AIFM1: variants seen among roughly 807,000 people sequenced by gnomAD.
AIFM1 encodes the protein apoptosis inducing factor mitochondria associated 1, also known as apoptosis-inducing factor 1, mitochondrial.
In AIFM1, 3 loss-of-function variants were observed where a neutral mutation model predicts 51.7. The observed-to-expected ratio is 0.06, with a 90% CI of 0.03 to 0.15. The LOEUF (loss-of-function observed/expected upper bound fraction) is 0.15. AIFM1 is among the 10% of genes least tolerant of loss of function. The pLI is 1.00. For missense variants in AIFM1, 330 were observed against 476.8 expected, an observed-to-expected ratio of 0.69 and a Z score of 2.87; for synonymous variants, 178 against 179.4, an observed-to-expected ratio of 0.99 and a Z score of 0.06.
chrX:130,156,725 T>C lies in AIFM1; in HGVS notation c.107-122A>G, dbSNP rs189994. ...CCCACAGATATTCACCGTTAAATGA[T>C]CAAGAAAAATATCATCAAAACTGCA... On this transcript the variant is annotated intron_variant, in intron 1 of 15. Transcript: ENST00000287295. 340,670 of 784,794 alleles carry C rather than the reference T, an allele frequency of 0.43. 53,861 individuals are homozygous for C. Among genetic ancestry groups the C allele is most frequent in the African/African-American group, 0.68 (32,478 of 47,695 alleles). The allele number at this position is 784,794 out of a possible 1,213,427, so 64.7% of individuals were successfully genotyped here. A position where few individuals can be genotyped will look rare whatever the true frequency, so the allele number is the denominator to read the frequency against.
Position 130,130,104 on chromosome X carries a change from T to C in AIFM1, c.1636A>G (p.Ser546Gly), listed in dbSNP as rs1569415378. ...SEASEITIPP[S>G]TPAVPQAPVQ... is the part of the protein sequence containing the mutation. The stretch of plus-strand genomic sequence containing the variant: ...GGAGCCTGTGGAACTGCCGGGGTGC[T>C]GGGAGGAATAGTAATTTCTGAGGCC... The change falls in exon 15 of 16, where the codon AGC becomes GGC. Residue 546 changes from serine to glycine, a missense_variant. Physicochemically the swap from Ser to Gly is moderately conservative, Grantham distance 56. Transcript: ENST00000287295. 6 of 1,211,992 alleles carry C rather than the reference T, an allele frequency of 5.0e-6. No individual in the cohort carries two copies. The highest frequency in any genetic ancestry group is 6.7e-6 in the Non-Finnish European group (6 of 895,578).
At chrX:130,147,176 TA>T (rs1439405809) in intron 5 of AIFM1, among the ~76,000 whole-genome samples, 1 of 110,843 alleles carries the variant, frequency 9.0e-6, no homozygotes. Context: ...AAAATAAAAA[TA>T]AAAAAAGAAG....
intron 2 of AIFM1, among the ~76,000 whole-genome samples, chrX:130,151,442 T>C (rs1025944913): frequency 9.0e-6 from 1 of 111,217 alleles, no homozygotes; most frequent in African/African-American, 3.3e-5. Context: ...CCCGGCCCCA[T>C]AAAACATATT....
intron 3 of AIFM1, 143 bp from the exon 4 acceptor site, chrX:130,148,019 T>G (rs1172822854): frequency 1.4e-6 from 1 of 739,210 alleles, no homozygotes; most frequent in African/African-American, 2.1e-5. Context: ...ATCTTAACAA[T>G]CTTCACAGCA....
At chrX:130,138,810 T>C in intron 8 of AIFM1, 109 bp from the exon 9 acceptor site, 1 of 543,044 alleles carries the variant, frequency 1.8e-6, no homozygotes. Context: ...TTTCTCCTTG[T>C]ATAAAGTGAC....
chrX:130,154,525 G>C (rs1375089279), intron 2 of AIFM1, among the ~76,000 whole-genome samples: 1 of 112,391 alleles, frequency 8.9e-6, no homozygotes, highest in African/African-American at 3.2e-5. Flanking sequence ...CAATCTACAT[G>C]AATGTGTTAG....
At chrX:130,137,477 C>A in intron 9 of AIFM1, 1 of 1,167,753 alleles carries the variant, frequency 8.6e-7, no homozygotes, top group Non-Finnish European at 1.1e-6. Context: ...TGCTTTGCAA[C>A]CTCTGAATAG....
At position 130,129,561 on chromosome X, in the gene AIFM1, T is replaced by C; in HGVS notation, c.1838A>G (p.Asp613Gly). The change falls in exon 16 of 16, where the codon GAC (aspartate) becomes GGC (glycine). Residue 613 changes from aspartate (D) to glycine (G), a missense_variant. Asp to Gly is a moderately conservative substitution (Grantham distance 94). Around this residue, in one of 4 missense-constraint regions of AIFM1, gnomAD observed 12 missense variants for 32.1 expected, o/e 0.37. Coordinates refer to ENST00000287295, the MANE Select transcript of AIFM1 (RefSeq NM_004208.4). Reference protein sequence around the residue: ...EVAKLFNIHED With the variant: ...EVAKLFNIHEG ...TGCCAATTCCACTGTGGGGCTTCAG[T>C]CTTCATGAATGTTGAATAGTTTGGC... 2 of 1,210,332 alleles carry C rather than the reference T, an allele frequency of 1.7e-6. No individual in the cohort carries two copies. Among genetic ancestry groups the C allele is most frequent in the Non-Finnish European group, 2.2e-6 (2 of 894,189 alleles).
intron 1 of AIFM1, among the ~76,000 whole-genome samples, chrX:130,164,621 G>A (rs946615699): frequency 5.4e-5 from 6 of 111,694 alleles, no homozygotes; most frequent in Non-Finnish European, 9.4e-5. Flanking sequence ...AAAGAAGCAG[G>A]CTCAAGCCAT....
intron 6 of AIFM1, 35 bp downstream of exon 6, chrX:130,145,444 T>C (rs1448282121): frequency 2.8e-6 from 3 of 1,089,042 alleles, no homozygotes; most frequent in African/African-American, 3.7e-5. Context: ...GGCAAGTACG[T>C]AGAGCCTGAC....
chrX:130,165,402 G>C, intron 1 of AIFM1, 149 bp downstream of exon 1: 1 of 532,421 alleles, frequency 1.9e-6, no homozygotes, highest in Non-Finnish European at 3.3e-6. Flanking sequence ...CCGCTTGCAA[G>C]ACTCAGGGTT....
intron 1 of AIFM1, among the ~76,000 whole-genome samples, chrX:130,157,083 T>C (rs904556539): frequency 2.7e-4 from 30 of 111,681 alleles, no homozygotes; most frequent in African/African-American, 4.6e-4. Flanking sequence ...TGAAAGGTAA[T>C]GTGTCCTGGA....
intron 9 of AIFM1, chrX:130,137,855 G>A (rs1603223554): frequency 1.7e-6 from 1 of 599,896 alleles, no homozygotes. Flanking sequence ...CTGAGGTTGG[G>A]AGTTCAAGAC....
At chrX:130,156,326 A>G in intron 2 of AIFM1, 135 bp downstream of exon 2, 1 of 816,308 alleles carries the variant, frequency 1.2e-6, no homozygotes, top group Non-Finnish European at 1.8e-6. Context: ...GCAGGCACTT[A>G]AGAGAAGGCT....
chrX:130,151,751 G>C (rs2030988718), intron 2 of AIFM1, among the ~76,000 whole-genome samples: 1 of 112,203 alleles, frequency 8.9e-6, no homozygotes, highest in Non-Finnish European at 1.9e-5. Context: ...TTTTAAGAAA[G>C]GGACTTTAGC....
chrX:130,149,991 C>G (rs749059969), intron 2 of AIFM1, among the ~76,000 whole-genome samples: 4 of 112,020 alleles, frequency 3.6e-5, no homozygotes, highest in African/African-American at 9.7e-5. Context: ...GGGTAGGAAG[C>G]TGGGACATAA....
Position 130,135,851 on chromosome X carries a change from C to A in AIFM1, c.1305+194G>T, listed in dbSNP as rs190689805. ...CATGCACACTGTTCATTTCATCTGC[C>A]ACTAGCTTGCAGATGAGGCCATACC... is the stretch of plus-strand genomic sequence containing the variant. On this transcript the variant is annotated intron_variant, in intron 12 of 15. Coordinates refer to ENST00000287295, the MANE Select transcript of AIFM1 (RefSeq NM_004208.4). 1.2e-4 allele frequency among the ~76,000 whole-genome samples: 13 copies of A among 111,642 alleles called. No individual in the cohort carries two copies. In the East Asian group the frequency reaches 3.6e-3, roughly 31 times the overall value.
rs193002766 is a variant in AIFM1 at position 130,130,132 on chromosome X, G to A, written c.1608C>T (p.Ser536=). ...GAGGAATAGTAATTTCTGAGGCCTC[G>A]GACTCTGTCTCACTCTCTGATCGGA... ...TGIRSESETE[S]EASEITIPPS... The change falls in exon 15 of 16, where the codon TCC becomes TCT. Residue 536 remains serine, a synonymous_variant. Coordinates refer to ENST00000287295, the MANE Select transcript of AIFM1 (RefSeq NM_004208.4). The A allele has an allele frequency of 5.8e-6, 7 of 1,209,922 alleles. No individual in the cohort carries two copies. The highest frequency in any genetic ancestry group is 3.0e-5 in the East Asian group (1 of 33,769).
At chrX:130,138,771 T>C in intron 8 of AIFM1, 70 bp from the exon 9 acceptor site, 1 of 760,127 alleles carries the variant, frequency 1.3e-6, no homozygotes, top group Non-Finnish European at 2.0e-6. Flanking sequence ...TAGAAAGTAG[T>C]TTCTTCTAAA....
Sources: gnomAD v4.1 joint callset for allele counts (sites outside exome capture counted in the v4.1 genomes callset) on GRCh38, gnomAD v4.1.1 for gene constraint, gnomAD v4.1.1 regional missense constraint, MANE v1.5 for transcripts, NCBI Gene and HGNC (gene_info 2026-07-23, HGNC 2026-07-21) for gene names.